RNF34: variants seen among roughly 807,000 people sequenced by gnomAD.
RNF34 encodes the protein E3 ubiquitin-protein ligase RNF34.
A neutral mutation model predicts 37.9 loss-of-function variants in RNF34; 12 were observed. That is an observed-to-expected ratio of 0.32 (90% confidence interval 0.20 to 0.51). The LOEUF (loss-of-function observed/expected upper bound fraction) is 0.51. Ranked by LOEUF, RNF34 falls within the 20% of genes least tolerant of loss-of-function variation. The pLI, the probability that RNF34 is intolerant of heterozygous loss-of-function variation, is 0.97. For synonymous variants in RNF34, 155 were observed against 177.2 expected (o/e 0.87, Z 1.00); for missense variants, 362 against 472.7 (o/e 0.77, Z 2.17).
rs1432128769 is a variant in RNF34 at position 121,400,204 on chromosome 12, G to A, written c.-9G>A. On this transcript the variant is annotated 5_prime_UTR_variant, in exon 1 of 6. Transcript: ENST00000361234. ...TGGTAGAGCCGGCCGAGCTGAGGCG[G>A]TCGCGGCCATGAAGGTGAGGGGCCG... 12 of 1,609,202 alleles carry A rather than the reference G, an allele frequency of 7.5e-6. No homozygotes were observed. In the Admixed American group the frequency reaches 1.8e-4, roughly 25 times the overall value.
chr12:121,422,728 C>CT (rs1444018721), intron 5 of RNF34, among the ~76,000 whole-genome samples: 6 of 152,086 alleles, frequency 3.9e-5, no homozygotes, highest in African/African-American at 1.4e-4. Flanking sequence ...CTGGGGTTAA[C>CT]TTTTTTTTAA....
In RNF34 at chr12:121,423,974, T is replaced by C. The variant is rs1872379195; in HGVS notation, c.*398T>C. Reference sequence around the variant, plus strand: ...CTGTCCTCTTTGGATGAGATCAGTGTCCACAAGTGGCCGACATGGAACATG... The same window carrying C: ...CTGTCCTCTTTGGATGAGATCAGTGCCCACAAGTGGCCGACATGGAACATG... On this transcript the variant is annotated 3_prime_UTR_variant, in exon 6 of 6. Coordinates refer to ENST00000361234, the MANE Select transcript of RNF34 (RefSeq NM_025126.4). The surrounding 1 kb of genome is among the most constrained non-coding windows in gnomAD (Gnocchi z 4.3). The C allele has an allele frequency of 6.1e-6, 1 of 163,168 alleles. No individual in the cohort carries two copies. Among genetic ancestry groups the C allele is most frequent in the South Asian group, 1.9e-4 (1 of 5,274 alleles). The allele number at this position is 163,168 out of a possible 1,614,324, so 10.1% of individuals were successfully genotyped here.
chr12:121,417,748 A>G lies in RNF34; in HGVS notation c.470A>G (p.Asp157Gly). The G allele has an allele frequency of 1.2e-6, 2 of 1,614,158 alleles. No homozygotes were observed. ...VLCHHGLGSE[D>G]DMDTSSLNSS... Reference sequence around the variant, plus strand: ...TGCCATCATGGACTAGGCTCTGAGGACGACATGGACACAAGCAGTCTGAAT... The same window carrying G: ...TGCCATCATGGACTAGGCTCTGAGGGCGACATGGACACAAGCAGTCTGAAT... Residue 157 changes from aspartate (D) to glycine (G), a missense_variant, in exon 3 of 6, where the codon GAC becomes GGC. Physicochemically the swap from Asp to Gly is moderately conservative, Grantham distance 94 (BLOSUM62 -1). Coordinates refer to ENST00000361234, the MANE Select transcript of RNF34 (RefSeq NM_025126.4). This position sits in a 1 kb window ranked among gnomAD's most constrained non-coding sequence, Gnocchi z 5.0.
intron 1 of RNF34, among the ~76,000 whole-genome samples, chr12:121,407,437 G>T (rs937053999): frequency 6.6e-6 from 1 of 152,200 alleles, no homozygotes; most frequent in Non-Finnish European, 1.5e-5. Context: ...CAGAGGTGGG[G>T]GTATGCCTAG....
At chr12:121,422,460 T>C (rs1872251106) in intron 5 of RNF34, among the ~76,000 whole-genome samples, 1 of 152,224 alleles carries the variant, frequency 6.6e-6, no homozygotes, top group Admixed American at 6.5e-5. Context: ...CCTTCTCCAT[T>C]GGCATATCTG....
chr12:121,421,094 C>T (rs1384160402), intron 5 of RNF34, among the ~76,000 whole-genome samples: 1 of 152,094 alleles, frequency 6.6e-6, no homozygotes, highest in Non-Finnish European at 1.5e-5. Flanking sequence ...TATTTTCTCA[C>T]TAATGCCTTT....
At chr12:121,402,846 C>A in intron 1 of RNF34, 3 of 1,468,572 alleles carry the variant, frequency 2.0e-6, no homozygotes, top group Non-Finnish European at 2.9e-6. Context: ...TTGTAATAAT[C>A]GATCAGTTTG....
intron 1 of RNF34, among the ~76,000 whole-genome samples, chr12:121,405,773 C>T (rs1017395013): frequency 2.0e-5 from 3 of 150,688 alleles, no homozygotes; most frequent in Non-Finnish European, 2.9e-5. Flanking sequence ...CGTGAGCCAC[C>T]GTGTCCGGCC....
intron 1 of RNF34, among the ~76,000 whole-genome samples, chr12:121,401,211 G>T (rs1046834757): frequency 6.6e-5 from 10 of 152,158 alleles, no homozygotes; most frequent in Non-Finnish European, 1.5e-4. Context: ...TTTGTTGAAC[G>T]TTTTCTGTGC....
chr12:121,415,384 G>A (rs1447552504), intron 1 of RNF34: 2 of 272,680 alleles, frequency 7.3e-6, no homozygotes, highest in South Asian at 3.0e-5. Flanking sequence ...ACTTCAGGAG[G>A]CCAAGGTAGG....
At chr12:121,401,343 G>A (rs1230975362) in intron 1 of RNF34, among the ~76,000 whole-genome samples, 1 of 77,276 alleles carries the variant, frequency 1.3e-5, no homozygotes, top group Non-Finnish European at 2.7e-5. Flanking sequence ...AAGGCAGAAG[G>A]CTATAGGTAT....
intron 1 of RNF34, among the ~76,000 whole-genome samples, chr12:121,401,374 A>AAAAAAAAG (rs1869983006): frequency 6.7e-6 from 1 of 148,516 alleles, no homozygotes; most frequent in Admixed American, 6.7e-5. Flanking sequence ...AAAAAAAAAA[A>AAAAAAAAG]GGCAGGGACA....
At position 121,416,145 on chromosome 12, in the gene RNF34, G is replaced by C; in HGVS notation, c.7-14G>C. On this transcript the variant is annotated splice_polypyrimidine_tract_variant and intron_variant, in intron 1 of 5. Transcript: ENST00000361234. ...CACTTAGCTTTAAACTGTGGGATTTGTGTTCCTTTTTAGGCGGGTGCCACG... is the reference window on the plus strand; with the variant it reads ...CACTTAGCTTTAAACTGTGGGATTTCTGTTCCTTTTTAGGCGGGTGCCACG... The C allele has an allele frequency of 6.2e-7, 1 of 1,609,976 alleles. No homozygotes were observed. Among genetic ancestry groups the C allele is most frequent in the Non-Finnish European group, 8.5e-7 (1 of 1,176,654 alleles).
At chr12:121,402,772 C>T in intron 1 of RNF34, 1 of 1,607,582 alleles carries the variant, frequency 6.2e-7, no homozygotes, top group African/African-American at 1.3e-5. Flanking sequence ...ATCAAGTATA[C>T]TGTTAAAAGA....
intron 1 of RNF34, among the ~76,000 whole-genome samples, chr12:121,415,912 T>G (rs1338503752): frequency 6.6e-6 from 1 of 151,552 alleles, no homozygotes; most frequent in Non-Finnish European, 1.5e-5. Flanking sequence ...GGTTTTTTGT[T>G]CTGTAAAATT....
chr12:121,401,108 C>T (rs1869947382), intron 1 of RNF34, among the ~76,000 whole-genome samples: 1 of 151,988 alleles, frequency 6.6e-6, no homozygotes, highest in South Asian at 2.1e-4. Context: ...AGCAGGTGAG[C>T]TGCTAGATTA....
chr12:121,403,681 C>T (rs1870221895), intron 1 of RNF34, among the ~76,000 whole-genome samples: 1 of 152,126 alleles, frequency 6.6e-6, no homozygotes, highest in South Asian at 2.1e-4. Context: ...GATGGAAGAA[C>T]AGTATCGCTC....
rs1555279819 is a variant in RNF34 at position 121,400,180 on chromosome 12, G to T, written c.-33G>T. ...GAGCTGCTATGGTGCTGAGTTTCCT[G>T]GTAGAGCCGGCCGAGCTGAGGCGGT... On this transcript the variant is annotated 5_prime_UTR_variant, in exon 1 of 6. Transcript: ENST00000361234. 1 of 1,606,496 alleles carries T rather than the reference G, an allele frequency of 6.2e-7. No individual in the cohort carries two copies. Among genetic ancestry groups the T allele is most frequent in the Non-Finnish European group, 8.5e-7 (1 of 1,178,248 alleles).
chr12:121,420,458 C>T (rs1026668052), intron 4 of RNF34, 119 bp from the exon 5 acceptor site: 27 of 1,556,386 alleles, frequency 1.7e-5, no homozygotes, highest in Middle Eastern at 3.4e-4. Context: ...GGACAGTATA[C>T]TGAAACACTT....
Sources: gnomAD v4.1 joint callset for allele counts (sites outside exome capture counted in the v4.1 genomes callset) on GRCh38, gnomAD v4.1.1 for gene constraint, Gnocchi (gnomAD v3.1) non-coding constraint, MANE v1.5 for transcripts, NCBI Gene and HGNC (gene_info 2026-07-23, HGNC 2026-07-21) for gene names.